Variants in SUGP2 observed in about 807,000 individuals in gnomAD.
SUGP2 encodes SURP and G-patch domain-containing protein 2.
SUGP2 carries 24 observed loss-of-function variants against 90.5 expected under a neutral mutation model. That is an observed-to-expected ratio of 0.27 (90% CI 0.19 to 0.37). The LOEUF is 0.37. SUGP2 is among the 10% of genes least tolerant of loss of function. SUGP2 has a pLI of 1.00. For missense variants in SUGP2, 1,233 were observed against 1,363.3 expected (o/e 0.90, Z 1.51); for synonymous variants, 473 against 513.4 (o/e 0.92, Z 1.06).
At chr19:19,033,057 G>C (rs1461915554) in intron 1 of SUGP2, 1 of 153,524 alleles carries the variant, frequency 6.5e-6, no homozygotes, top group Non-Finnish European at 1.5e-5. Flanking sequence ...CCTATGGAAT[G>C]GGCAGCCAGT....
In SUGP2 at chr19:19,019,248, CTT is replaced by C. The variant is rs1243110525; in HGVS notation, c.1730-21_1730-20del. 1.6e-5 allele frequency: 25 copies of C among 1,602,410 alleles called. No individual in the cohort carries two copies. Among genetic ancestry groups the C allele is most frequent in the Non-Finnish European group, 2.0e-5 (24 of 1,170,890 alleles). ...GGGACAGCTGGAACACACAGAACAG[CTT>C]CTCTGAGAAATATGCTGAATGTGGG... is the stretch of plus-strand genomic sequence containing the variant. On this transcript the variant is annotated intron_variant, in intron 3 of 10. Coordinates refer to ENST00000452918, the MANE Select transcript of SUGP2 (RefSeq NM_001017392.5).
At chr19:18,997,653 C>T (rs1481205041) in intron 8 of SUGP2, among the ~76,000 whole-genome samples, 1 of 151,790 alleles carries the variant, frequency 6.6e-6, no homozygotes, top group Non-Finnish European at 1.5e-5. Context: ...TGTGGTGGCA[C>T]GCCCCTGTAA....
rs2057448175 is a variant in SUGP2 at position 18,993,527 on chromosome 19, G to C, written c.*214C>G. On this transcript the variant is annotated 3_prime_UTR_variant, in exon 11 of 11. Coordinates refer to ENST00000452918, the MANE Select transcript of SUGP2 (RefSeq NM_001017392.5). ...CTGCTAAAAGCATGTGAACAGAGAG[G>C]AGAGGCAAAAGCACATTGAAAATGG... 6.6e-6 allele frequency: 1 copy of C among 152,468 alleles called. No homozygotes were observed. The highest frequency in any genetic ancestry group is 2.1e-4 in the South Asian group (1 of 4,826). 9.4% of individuals were successfully genotyped at this position (152,468 alleles called of 1,614,324 possible).
At chr19:19,026,641 T>C (rs950299975) in intron 2 of SUGP2, among the ~76,000 whole-genome samples, 7 of 152,234 alleles carry the variant, frequency 4.6e-5, no homozygotes, top group Non-Finnish European at 8.8e-5. Context: ...ATAACCTGGA[T>C]ATTTTTACTG....
intron 4 of SUGP2, among the ~76,000 whole-genome samples, chr19:19,016,434 G>A (rs1312304565): frequency 1.3e-5 from 2 of 152,134 alleles, no homozygotes; most frequent in Non-Finnish European, 2.9e-5. Context: ...GGGTCATGGG[G>A]CAGAGGCACC....
intron 4 of SUGP2, among the ~76,000 whole-genome samples, chr19:19,018,239 C>T (rs1599515909): frequency 6.6e-6 from 1 of 151,102 alleles, no homozygotes; most frequent in Middle Eastern, 3.5e-3. Flanking sequence ...GGCTGAGGCA[C>T]GAGAATCGCT....
Position 19,025,535 on chromosome 19 carries a change from G to C in SUGP2, c.813C>G (p.Ile271Met). ...ITPKTQGTNQIQKNTPSPDVT... is the reference protein window; with the variant it reads ...ITPKTQGTNQMQKNTPSPDVT... ...CATCAGGACTTGGAGTGTTTTTCTGGATTTGGTTAGTGCCCTGAGTTTTGG... is the reference window on the plus strand; with the variant it reads ...CATCAGGACTTGGAGTGTTTTTCTGCATTTGGTTAGTGCCCTGAGTTTTGG... Residue 271 changes from isoleucine (I) to methionine (M), a missense_variant, in exon 3 of 11, where the codon ATC becomes ATG. Ile to Met is a conservative substitution (Grantham distance 10). Transcript: ENST00000452918. 1 of 1,614,110 alleles carries C rather than the reference G, an allele frequency of 6.2e-7. No homozygotes were observed.
rs752340042 is a variant in SUGP2 at position 19,024,862 on chromosome 19, C to G, written c.1486G>C (p.Glu496Gln). 1 of 1,614,200 alleles carries G rather than the reference C, an allele frequency of 6.2e-7. No individual in the cohort carries two copies. Among genetic ancestry groups the G allele is most frequent in the Non-Finnish European group, 8.5e-7 (1 of 1,180,050 alleles). Reference protein sequence around the residue: ...TFSLASSFRQEKILEAVGLQD... With the variant: ...TFSLASSFRQQKILEAVGLQD... ...AGGCCGACAGCTTCTAAGATTTTCTCCTGCCGGAAAGAAGAGGCCAAGGAA... is the reference window on the plus strand; with the variant it reads ...AGGCCGACAGCTTCTAAGATTTTCTGCTGCCGGAAAGAAGAGGCCAAGGAA... Residue 496 changes from glutamate to glutamine, a missense_variant, in exon 3 of 11, where the codon GAG (glutamate) becomes CAG (glutamine). Coordinates refer to ENST00000452918, the MANE Select transcript of SUGP2 (RefSeq NM_001017392.5).
At chr19:19,033,259 C>T in intron 1 of SUGP2, 178 bp downstream of exon 1, 2 of 614,460 alleles carry the variant, frequency 3.3e-6, no homozygotes, top group Non-Finnish European at 4.2e-6. Flanking sequence ...ATGGGGGCGC[C>T]GGGCCCGGGA....
At chr19:19,020,556 G>C (rs890443868) in intron 3 of SUGP2, among the ~76,000 whole-genome samples, 2 of 151,388 alleles carry the variant, frequency 1.3e-5, no homozygotes, top group African/African-American at 4.8e-5. Flanking sequence ...CAATTCTCAG[G>C]CCTCAGCCTC....
chr19:19,001,216 C>T (rs149804370), intron 8 of SUGP2, among the ~76,000 whole-genome samples: 3,494 of 152,136 alleles, frequency 0.023, 131 homozygotes, highest in African/African-American at 0.08. Context: ...GGGGTTTCAT[C>T]GTGTTAGCCA....
At chr19:19,023,311 T>G (rs1352853233) in intron 3 of SUGP2, among the ~76,000 whole-genome samples, 1 of 151,840 alleles carries the variant, frequency 6.6e-6, no homozygotes, top group Non-Finnish European at 1.5e-5. Context: ...AGCACAGGGG[T>G]GACTGTTTTT....
At chr19:18,994,748 T>C (rs1454877814) in intron 9 of SUGP2, 1 of 545,740 alleles carries the variant, frequency 1.8e-6, no homozygotes, top group Non-Finnish European at 3.3e-6. Context: ...CAGTATTAAA[T>C]GAAATGCCTG....
chr19:19,004,722 T>G, intron 6 of SUGP2, 76 bp from the exon 7 acceptor site: 1 of 1,265,530 alleles, frequency 7.9e-7, no homozygotes, highest in Non-Finnish European at 1.1e-6. Flanking sequence ...CTGCTGGGAT[T>G]GATCCAAGGA....
chr19:19,032,378 T>C (rs1420750262), intron 1 of SUGP2, among the ~76,000 whole-genome samples: 1 of 152,056 alleles, frequency 6.6e-6, no homozygotes, highest in Non-Finnish European at 1.5e-5. Context: ...AGGCTGGTCT[T>C]GAATTCCTGA....
chr19:19,022,149 T>G (rs2058752165), intron 3 of SUGP2, among the ~76,000 whole-genome samples: 1 of 151,952 alleles, frequency 6.6e-6, no homozygotes, highest in African/African-American at 2.4e-5. Context: ...CACGCCCGAC[T>G]AATTTTTTGT....
In SUGP2 at chr19:18,993,747, AG is replaced by A. The variant is rs2057457013; in HGVS notation, c.*1-8del. Reference sequence around the variant, plus strand: ...TCACATCAGTGGTTTTGATCTATTCAGGAAGAGAACGATTTTGTTCAAAACT... The same window carrying A: ...TCACATCAGTGGTTTTGATCTATTCAGAAGAGAACGATTTTGTTCAAAACT... On this transcript the variant is annotated splice_region_variant and splice_polypyrimidine_tract_variant and intron_variant, in intron 10 of 10. Transcript: ENST00000452918. 1.3e-5 allele frequency: 2 copies of A among 152,540 alleles called. No homozygotes were observed. The highest frequency in any genetic ancestry group is 4.8e-5 in the African/African-American group (2 of 41,428). The allele number at this position is 152,540 out of a possible 1,614,324, so 9.4% of individuals were successfully genotyped here.
intron 10 of SUGP2, 122 bp downstream of exon 10, chr19:18,994,244 A>AT (rs1001078409): frequency 8.5e-5 from 115 of 1,358,842 alleles, no homozygotes; most frequent in East Asian, 4.9e-4. Context: ...GAATTTTGTG[A>AT]TTTTTTTTGT....
chr19:19,018,758 A>G (rs1429951163), intron 4 of SUGP2, among the ~76,000 whole-genome samples: 1 of 152,186 alleles, frequency 6.6e-6, no homozygotes, highest in African/African-American at 2.4e-5. Flanking sequence ...AGTTTAACAA[A>G]TATTAGCAAT....
Sources: gnomAD v4.1 joint callset for allele counts (sites outside exome capture counted in the v4.1 genomes callset) on GRCh38, gnomAD v4.1.1 for gene constraint, MANE v1.5 for transcripts, NCBI Gene and HGNC (gene_info 2026-07-23, HGNC 2026-07-21) for gene names.